The following PDGFC variants were observed in gnomAD, a reference collection of about 807,000 sequenced individuals.
PDGFC encodes platelet-derived growth factor C.
Under a neutral mutation model 35.5 loss-of-function variants are expected in PDGFC, and 12 were observed. That is an observed-to-expected ratio of 0.34 (90% CI 0.22 to 0.55). The LOEUF (loss-of-function observed/expected upper bound fraction) is 0.55, where lower values mean the gene tolerates loss of function less well. PDGFC is among the 20% of genes least tolerant of loss of function. The pLI is 0.91. For synonymous variants in PDGFC, 159 were observed against 148.8 expected, an observed-to-expected ratio of 1.07 and a Z score of -0.50; for missense variants, 322 against 412.4, an observed-to-expected ratio of 0.78 and a Z score of 1.90.
chr4:156,811,045 T>A, intron 2 of PDGFC, 28 bp from the exon 3 acceptor site: 1 of 1,452,120 alleles, frequency 6.9e-7, no homozygotes. Context: ...GAAAGAGACA[T>A]CATTTCATAA....
chr4:156,906,228 G>A (rs1294686704), intron 1 of PDGFC, among the ~76,000 whole-genome samples: 1 of 152,080 alleles, frequency 6.6e-6, no homozygotes, highest in Admixed American at 6.5e-5. Context: ...AATACTGCTT[G>A]CTCAGGTTTC....
At chr4:156,787,529 C>T (rs529040704) in intron 3 of PDGFC, among the ~76,000 whole-genome samples, 2 of 152,096 alleles carry the variant, frequency 1.3e-5, no homozygotes, top group Admixed American at 6.5e-5. Flanking sequence ...AGAGAGGAGA[C>T]AACATGCGTG....
chr4:156,855,589 A>C (rs1416097949), intron 1 of PDGFC, among the ~76,000 whole-genome samples: 2 of 152,134 alleles, frequency 1.3e-5, no homozygotes, highest in Non-Finnish European at 2.9e-5. Flanking sequence ...TGTTATTTTC[A>C]AACTATGTAA....
intron 1 of PDGFC, among the ~76,000 whole-genome samples, chr4:156,883,278 G>A (rs1182962385): frequency 6.6e-6 from 1 of 151,932 alleles, no homozygotes; most frequent in African/African-American, 2.4e-5. Context: ...GAAATCACTA[G>A]GTCCAACTCT....
chr4:156,949,075 C>A (rs1364249401), intron 1 of PDGFC, among the ~76,000 whole-genome samples: 1 of 151,874 alleles, frequency 6.6e-6, no homozygotes, highest in East Asian at 1.9e-4. Context: ...CTGAAAACAT[C>A]CAGTTCCTTG....
intron 1 of PDGFC, among the ~76,000 whole-genome samples, chr4:156,888,385 A>C (rs2111188181): frequency 6.6e-6 from 1 of 152,344 alleles, no homozygotes; most frequent in Non-Finnish European, 1.5e-5. Flanking sequence ...GCACATATTT[A>C]TACCATCTGA....
intron 3 of PDGFC, among the ~76,000 whole-genome samples, chr4:156,776,706 T>G (rs1730839183): frequency 6.6e-6 from 1 of 152,210 alleles, no homozygotes; most frequent in African/African-American, 2.4e-5. Context: ...ATCGGGTCTT[T>G]AAAATTCTCT....
intron 3 of PDGFC, among the ~76,000 whole-genome samples, chr4:156,781,145 T>C (rs1332859178): frequency 6.6e-6 from 1 of 152,206 alleles, no homozygotes; most frequent in Non-Finnish European, 1.5e-5. Flanking sequence ...TTTCAGTAAA[T>C]GCCAATTCCG....
At chr4:156,869,582 CG>C (rs1553971383) in intron 1 of PDGFC, among the ~76,000 whole-genome samples, 2 of 152,232 alleles carry the variant, frequency 1.3e-5, no homozygotes, top group South Asian at 2.1e-4. Context: ...AGCCCTTCAA[CG>C]CAAGAGTTTT....
chr4:156,965,525 G>T (rs1365760801), intron 1 of PDGFC, among the ~76,000 whole-genome samples: 2 of 152,074 alleles, frequency 1.3e-5, no homozygotes, highest in Admixed American at 6.6e-5. Context: ...TTAGTGGTCA[G>T]AAAAAAGACC....
At chr4:156,791,012 T>C (rs1258551584) in intron 3 of PDGFC, among the ~76,000 whole-genome samples, 1 of 152,164 alleles carries the variant, frequency 6.6e-6, no homozygotes, top group African/African-American at 2.4e-5. Context: ...GGATTTTTCC[T>C]AGGATCAACA....
intron 1 of PDGFC, among the ~76,000 whole-genome samples, chr4:156,966,025 A>G (rs1407063384): frequency 6.6e-6 from 1 of 152,142 alleles, no homozygotes; most frequent in Non-Finnish European, 1.5e-5. Flanking sequence ...GAGTTGCACT[A>G]GTCTCTTCCC....
At chr4:156,823,081 G>A (rs751249065) in intron 2 of PDGFC, among the ~76,000 whole-genome samples, 4 of 151,980 alleles carry the variant, frequency 2.6e-5, no homozygotes, top group Non-Finnish European at 5.9e-5. Flanking sequence ...TAGCTAAACA[G>A]GACAGAACAA....
chr4:156,769,073 A>G (rs1206311540), intron 4 of PDGFC, among the ~76,000 whole-genome samples: 2 of 151,908 alleles, frequency 1.3e-5, no homozygotes, highest in Non-Finnish European at 2.9e-5. Flanking sequence ...CTTTCAGATA[A>G]CATATATGCC....
intron 1 of PDGFC, among the ~76,000 whole-genome samples, chr4:156,948,386 C>T (rs370272094): frequency 1.3e-5 from 2 of 152,016 alleles, no homozygotes; most frequent in African/African-American, 2.4e-5. Context: ...CCGACTGCTG[C>T]GGCCGCTTTG....
chr4:156,946,204 C>T (rs1731943991), intron 1 of PDGFC, among the ~76,000 whole-genome samples: 1 of 151,890 alleles, frequency 6.6e-6, no homozygotes, highest in South Asian at 2.1e-4. Context: ...GAGGAAACAA[C>T]TTTAAAAAAA....
At position 156,942,458 on chromosome 4, in the gene PDGFC, TA is replaced by T. The variant is rs1275046675; in HGVS notation, c.118+28327del. ...CAGGAGAAGAGAAAAACACTTCCCA[TA>T]AATAGATACTTTTTTCTAGTAACAC... On this transcript the variant is annotated intron_variant, in intron 1 of 5. Coordinates refer to ENST00000502773, the MANE Select transcript of PDGFC (RefSeq NM_016205.3). Among the ~76,000 whole-genome samples, 3 of 152,028 alleles carry T rather than the reference TA, an allele frequency of 2.0e-5. No homozygotes were observed. In the East Asian group the frequency reaches 5.8e-4, roughly 29 times the overall value.
chr4:156,970,658 C>A, intron 1 of PDGFC, 128 bp downstream of exon 1: 1 of 692,210 alleles, frequency 1.4e-6, no homozygotes, highest in Non-Finnish European at 2.6e-6. Context: ...GAACGCAGCG[C>A]ACATTTGCAT....
rs1279918350 is a variant in PDGFC at position 156,763,025 on chromosome 4, G to A, written c.*65C>T. On this transcript the variant is annotated 3_prime_UTR_variant, in exon 6 of 6. Coordinates refer to ENST00000502773, the MANE Select transcript of PDGFC (RefSeq NM_016205.3). ...GATTAAGGATGGAGATAACGCATAC[G>A]TTCTCTAATAGAATCAGCCACTGCA... is the stretch of plus-strand genomic sequence containing the variant. The A allele has an allele frequency of 2.9e-5, 24 of 817,430 alleles. No individual in the cohort carries two copies. The highest frequency in any genetic ancestry group is 2.0e-4 in the East Asian group (8 of 40,842). 50.6% of individuals were successfully genotyped at this position (817,430 alleles called of 1,614,324 possible).
Sources: gnomAD v4.1 joint callset for allele counts (sites outside exome capture counted in the v4.1 genomes callset) on GRCh38, gnomAD v4.1.1 for gene constraint, MANE v1.5 for transcripts, NCBI Gene and HGNC (gene_info 2026-07-23, HGNC 2026-07-21) for gene names.